The following ARHGAP22 variants were observed in gnomAD, a reference collection of about 807,000 sequenced individuals.
ARHGAP22 encodes Rho GTPase activating protein 22, also known as rho GTPase-activating protein 22.
A neutral mutation model predicts 59.1 loss-of-function variants in ARHGAP22; 48 were observed. That is an observed-to-expected ratio of 0.81 (90% confidence interval 0.64 to 1.03). The LOEUF (loss-of-function observed/expected upper bound fraction) is 1.03. Ranked by LOEUF, ARHGAP22 falls within the 50% of genes least tolerant of loss-of-function variation. The probability of loss-of-function intolerance (pLI) is 0.00; values close to 1 mark genes in which losing one functional copy is unlikely to be tolerated. For missense variants in ARHGAP22, 1,015 were observed against 958.7 expected (o/e 1.06, Z -0.78); for synonymous variants, 445 against 416.4 (o/e 1.07, Z -0.84).
At chr10:48,609,514 C>T (rs1306132482), upstream of ARHGAP22, among the ~76,000 whole-genome samples, 3 of 152,188 alleles carry the variant, frequency 2.0e-5, no homozygotes, top group Non-Finnish European at 4.4e-5. Context: ...GAGCCAAGCC[C>T]TCACTGTCAA....
chr10:48,641,248 A>C (rs931724058), intron 1 of ARHGAP22, among the ~76,000 whole-genome samples: 15 of 152,198 alleles, frequency 9.9e-5, no homozygotes, highest in African/African-American at 2.2e-4. Context: ...AAACATATCA[A>C]TAATTATATT....
intron 4 of ARHGAP22, among the ~76,000 whole-genome samples, chr10:48,469,548 C>T (rs113081841): frequency 6.6e-6 from 1 of 152,178 alleles, no homozygotes; most frequent in Non-Finnish European, 1.5e-5. Flanking sequence ...ATTATGCCCC[C>T]CTCCCCAACC....
intron 1 of ARHGAP22, among the ~76,000 whole-genome samples, chr10:48,620,636 GA>G (rs759103578): frequency 6.6e-6 from 1 of 152,166 alleles, no homozygotes; most frequent in Non-Finnish European, 1.5e-5. Flanking sequence ...TACTGCTCAG[GA>G]GCCATGCTGG....
chr10:48,499,618 A>G (rs1182518626), intron 3 of ARHGAP22, among the ~76,000 whole-genome samples: 2 of 152,198 alleles, frequency 1.3e-5, no homozygotes, highest in Non-Finnish European at 2.9e-5. Flanking sequence ...CAGACAAGAG[A>G]AAGAATGGAA....
chr10:48,581,769 C>T (rs569548181), intron 2 of ARHGAP22, among the ~76,000 whole-genome samples: 3 of 152,244 alleles, frequency 2.0e-5, no homozygotes, highest in Non-Finnish European at 2.9e-5. Context: ...CGTCAATATA[C>T]GGTATTTTAG....
intron 3 of ARHGAP22, among the ~76,000 whole-genome samples, chr10:48,514,305 C>A (rs1472506507): frequency 6.6e-6 from 1 of 152,068 alleles, no homozygotes; most frequent in Non-Finnish European, 1.5e-5. Context: ...TACACCTAGA[C>A]ACATCATAGT....
chr10:48,548,253 C>T (rs1249593613), intron 3 of ARHGAP22, among the ~76,000 whole-genome samples: 1 of 152,172 alleles, frequency 6.6e-6, no homozygotes, highest in Non-Finnish European at 1.5e-5. Flanking sequence ...CACATCCTAC[C>T]CCCTGGTTTC....
In ARHGAP22 at chr10:48,641,855, C is replaced by T. The variant is rs2062061230; in HGVS notation, c.52+10379G>A. 4.6e-5 allele frequency among the ~76,000 whole-genome samples: 7 copies of T among 152,344 alleles called. No individual in the cohort carries two copies. The South Asian group carries it at 1.4e-3, about 32-fold the overall frequency. Reference sequence around the variant, plus strand: ...GTATATTTAGAAAACCCCATTCTCTCAGCCCAAAATCTCCTTAAGCAACCT... The same window carrying T: ...GTATATTTAGAAAACCCCATTCTCTTAGCCCAAAATCTCCTTAAGCAACCT... On this transcript the variant is annotated intron_variant, in intron 1 of 9. Coordinates refer to the ARHGAP22 transcript ENST00000435790.
At position 48,550,778 on chromosome 10, in the gene ARHGAP22, C is replaced by A. The variant is rs151103835; in HGVS notation, c.322+4685G>T. On this transcript the variant is annotated intron_variant, in intron 3 of 9. Transcript: ENST00000249601. ...TACCCTAATACAAAAAAGCTAAGCT[C>A]ACTGGAGAATAAACATGAAATGGTT... 7.9e-5 allele frequency among the ~76,000 whole-genome samples: 12 copies of A among 152,344 alleles called. No homozygotes were observed. In the East Asian group the frequency reaches 2.3e-3, roughly 29 times the overall value.
chr10:48,580,754 C>T (rs556465640), intron 2 of ARHGAP22, among the ~76,000 whole-genome samples: 1 of 152,040 alleles, frequency 6.6e-6, no homozygotes, highest in South Asian at 2.1e-4. Context: ...AGGAGTGAGC[C>T]TGAGGGGCAG....
rs555942045 is a variant in ARHGAP22 at position 48,487,634 on chromosome 10, C to T, written c.323-7870G>A. ...CTGGAAAGCTCAAGAAAAATGGACT[C>T]GCCCTCAGACCCTCCATAACGGAAT... On this transcript the variant is annotated intron_variant, in intron 3 of 9. Coordinates refer to ENST00000249601, the MANE Select transcript of ARHGAP22 (RefSeq NM_021226.4). Among the ~76,000 whole-genome samples the T allele has an allele frequency of 3.3e-5, 5 of 152,302 alleles. No homozygotes were observed. In the East Asian group the frequency reaches 5.8e-4, roughly 18 times the overall value.
chr10:48,551,366 T>C (rs1253576031), intron 3 of ARHGAP22, among the ~76,000 whole-genome samples: 1 of 152,236 alleles, frequency 6.6e-6, no homozygotes, highest in African/African-American at 2.4e-5. Flanking sequence ...CCACAGAGGC[T>C]TCACATTCTG....
chr10:48,453,487 G>A (rs1276127745), intron 7 of ARHGAP22, 62 bp from the exon 8 acceptor site: 2 of 1,605,790 alleles, frequency 1.2e-6, no homozygotes, highest in Non-Finnish European at 1.7e-6. Context: ...TCTCCTGTGT[G>A]CGGCCTGGAC....
intron 3 of ARHGAP22, among the ~76,000 whole-genome samples, chr10:48,542,348 G>A (rs1335687734): frequency 6.6e-6 from 1 of 152,202 alleles, no homozygotes; most frequent in East Asian, 1.9e-4. Context: ...CCTCTTGAAG[G>A]GCTCTGCATT....
chr10:48,499,779 C>A (rs141923335), intron 3 of ARHGAP22, among the ~76,000 whole-genome samples: 2 of 151,832 alleles, frequency 1.3e-5, no homozygotes, highest in Non-Finnish European at 2.9e-5. Flanking sequence ...CAACTGGGTG[C>A]GAAATTAATA....
At chr10:48,475,854 A>G (rs3844600) in intron 4 of ARHGAP22, among the ~76,000 whole-genome samples, 97,351 of 152,088 alleles carry the variant, frequency 0.64, 34,403 homozygotes, top group Non-Finnish European at 0.79. Flanking sequence ...CAGCTCTACC[A>G]TGATGACAAG....
chr10:48,468,299 G>T (rs916914562), intron 4 of ARHGAP22, among the ~76,000 whole-genome samples: 1 of 152,204 alleles, frequency 6.6e-6, no homozygotes, highest in African/African-American at 2.4e-5. Flanking sequence ...AGACTTTGTA[G>T]GTGTGATGAG....
intron 3 of ARHGAP22, among the ~76,000 whole-genome samples, chr10:48,509,386 G>A (rs1477264402): frequency 1.3e-5 from 2 of 152,236 alleles, no homozygotes; most frequent in African/African-American, 4.8e-5. Flanking sequence ...AGGATGCCAG[G>A]CACAGCGGAG....
At chr10:48,489,098 CTTTCT>C (rs1464543613) in intron 3 of ARHGAP22, among the ~76,000 whole-genome samples, 2 of 152,114 alleles carry the variant, frequency 1.3e-5, no homozygotes, top group African/African-American at 2.4e-5. Context: ...TTTCTTTTTT[CTTTCT>C]TTTCTTTTTT....
Sources: allele counts gnomAD v4.1 joint callset (sites outside exome capture counted in the v4.1 genomes callset), GRCh38; gene constraint gnomAD v4.1.1; transcripts MANE v1.5; gene names NCBI Gene and HGNC (gene_info 2026-07-23, HGNC 2026-07-21).